CDS2: variants seen among roughly 807,000 people sequenced by gnomAD.
CDS2 encodes phosphatidate cytidylyltransferase 2.
CDS2 carries 47 observed loss-of-function variants against 59.0 expected under a neutral mutation model. The observed-to-expected ratio is 0.80, with a 90% CI of 0.63 to 1.02. The LOEUF (loss-of-function observed/expected upper bound fraction) is 1.02. Among genes scored for constraint, CDS2 ranks in the 50% least tolerant of loss-of-function variants. CDS2 has a pLI of 0.00. For synonymous variants in CDS2, 207 were observed against 206.4 expected, an observed-to-expected ratio of 1.00 and a Z score of -0.02; for missense variants, 356 against 558.9, an observed-to-expected ratio of 0.64 and a Z score of 3.66.
chr20:5,134,037 T>A (rs181861051), intron 1 of CDS2, among the ~76,000 whole-genome samples: 168 of 152,354 alleles, frequency 1.1e-3, no homozygotes, highest in Non-Finnish European at 1.9e-3. Flanking sequence ...ATGTGGAGAC[T>A]CTTTGCAGAA....
intron 1 of CDS2, among the ~76,000 whole-genome samples, chr20:5,136,231 C>A (rs2090648869): frequency 6.6e-6 from 1 of 152,150 alleles, no homozygotes. Context: ...GCCCTTCAGT[C>A]CACACAAACT....
chr20:5,141,747 C>T (rs934414103), intron 1 of CDS2, among the ~76,000 whole-genome samples: 2 of 152,130 alleles, frequency 1.3e-5, no homozygotes, highest in Non-Finnish European at 2.9e-5. Flanking sequence ...CCTGTGGTTT[C>T]TGAAGCTATC....
chr20:5,177,854 G>T (rs925907282), intron 4 of CDS2, among the ~76,000 whole-genome samples: 4 of 152,208 alleles, frequency 2.6e-5, no homozygotes, highest in African/African-American at 9.6e-5. Flanking sequence ...TTTTGTGGCT[G>T]TTCTTTAGCT....
At chr20:5,131,092 T>TA (rs1049352468) in intron 1 of CDS2, among the ~76,000 whole-genome samples, 4,498 of 104,958 alleles carry the variant, frequency 0.043, 82 homozygotes, top group Middle Eastern at 0.11. Context: ...GACTCTGTCT[T>TA]AAAAAAAAAA....
chr20:5,127,542 G>A (rs1299984168), intron 1 of CDS2, among the ~76,000 whole-genome samples: 2 of 152,156 alleles, frequency 1.3e-5, no homozygotes, highest in African/African-American at 4.8e-5. Flanking sequence ...TAGGCTCTCC[G>A]TTCCCTTTTA....
chr20:5,175,948 GCT>G (rs1437976558), intron 3 of CDS2, among the ~76,000 whole-genome samples: 1 of 152,200 alleles, frequency 6.6e-6, no homozygotes, highest in Non-Finnish European at 1.5e-5. Context: ...CCACAGAGCT[GCT>G]CTGTCTGTCT....
At chr20:5,154,441 G>A (rs2090816993) in intron 1 of CDS2, among the ~76,000 whole-genome samples, 3 of 152,198 alleles carry the variant, frequency 2.0e-5, no homozygotes, top group Non-Finnish European at 2.9e-5. Context: ...TGGGGATATA[G>A]CAGTGAATAA....
In CDS2 at chr20:5,175,378, G is replaced by C. The variant is rs998957130; in HGVS notation, c.291+99G>C. ...TGTTGGGTTGGTTGTGGGAATTGAC[G>C]GGGGTCCAGGCTTCTCAGAAAACCT... On this transcript the variant is annotated intron_variant, in intron 3 of 12. Transcript: ENST00000460006. 6.8e-5 allele frequency: 62 copies of C among 912,776 alleles called. No homozygotes were observed. The Admixed American group carries it at 1.1e-3, about 16-fold the overall frequency. 56.5% of individuals were successfully genotyped at this position (912,776 alleles called of 1,614,324 possible). A position where few individuals can be genotyped will look rare whatever the true frequency, so the allele number is the denominator to read the frequency against.
intron 1 of CDS2, among the ~76,000 whole-genome samples, chr20:5,158,164 C>CTTT (rs397865587): frequency 1.0e-4 from 11 of 107,842 alleles, no homozygotes; most frequent in Admixed American, 1.9e-4. Context: ...TGCTTTAGGT[C>CTTT]TTTTTTTTTT....
chr20:5,176,823 T>A (rs1020144654), intron 4 of CDS2, 78 bp downstream of exon 4: 1 of 966,372 alleles, frequency 1.0e-6, no homozygotes, highest in African/African-American at 1.6e-5. Flanking sequence ...TGACGGTGGG[T>A]ATTTCTATCA....
At chr20:5,151,302 C>T (rs955620687) in intron 1 of CDS2, among the ~76,000 whole-genome samples, 1 of 152,098 alleles carries the variant, frequency 6.6e-6, no homozygotes, top group Non-Finnish European at 1.5e-5. Flanking sequence ...AGTTTGGACA[C>T]ATTAGAGAAT....
intron 5 of CDS2, 67 bp downstream of exon 5, chr20:5,179,023 TG>T: frequency 6.6e-7 from 1 of 1,510,268 alleles, no homozygotes. Context: ...AGGTAGGAAT[TG>T]GGGAATTTCT....
intron 10 of CDS2, among the ~76,000 whole-genome samples, chr20:5,188,632 C>T (rs1014280045): frequency 2.6e-5 from 4 of 151,624 alleles, no homozygotes; most frequent in African/African-American, 9.7e-5. Flanking sequence ...TGATAGAACA[C>T]TTGGGGCTGG....
At chr20:5,153,039 G>T (rs2090805092) in intron 1 of CDS2, among the ~76,000 whole-genome samples, 1 of 152,152 alleles carries the variant, frequency 6.6e-6, no homozygotes, top group Non-Finnish European at 1.5e-5. Context: ...GCCGGCTTTT[G>T]TGTAGTTTAG....
chr20:5,173,727 C>G (rs978590707), intron 2 of CDS2, 68 bp downstream of exon 2: 14 of 1,584,860 alleles, frequency 8.8e-6, no homozygotes, highest in Admixed American at 5.1e-5. Flanking sequence ...CCTGGAAGAG[C>G]CTGCAGAGAG....
intron 1 of CDS2, among the ~76,000 whole-genome samples, chr20:5,134,966 TA>T (rs1185493273): frequency 6.6e-6 from 1 of 152,244 alleles, no homozygotes; most frequent in African/African-American, 2.4e-5. Flanking sequence ...CCTACTAATG[TA>T]AAGCATTTCT....
In CDS2 at chr20:5,193,639, A is replaced by C. The variant is rs1268612475; in HGVS notation, c.*3405A>C. On this transcript the variant is annotated 3_prime_UTR_variant, in exon 13 of 13. Transcript: ENST00000460006. ...GCCCTTGTCACCTGTTTGTATGGGG[A>C]CCATGTTTCCCAAAGCTCAGGTTCA... 1.3e-5 allele frequency: 2 copies of C among 152,156 alleles called. No individual in the cohort carries two copies. The highest frequency in any genetic ancestry group is 4.8e-5 in the African/African-American group (2 of 41,426). The allele number at this position is 152,156 out of a possible 1,614,324, so 9.4% of individuals were successfully genotyped here.
chr20:5,170,024 C>T (rs1600500353), intron 1 of CDS2, among the ~76,000 whole-genome samples: 1 of 152,132 alleles, frequency 6.6e-6, no homozygotes, highest in Admixed American at 6.5e-5. Flanking sequence ...GCGGCAGGCA[C>T]CTGCTGCTAT....
At chr20:5,143,939 A>AT (rs2090718065) in intron 1 of CDS2, among the ~76,000 whole-genome samples, 1 of 151,032 alleles carries the variant, frequency 6.6e-6, no homozygotes, top group South Asian at 2.1e-4. Flanking sequence ...TAATTTTTGT[A>AT]TTTTTTGTAG....
Sources: gnomAD v4.1 joint callset for allele counts (sites outside exome capture counted in the v4.1 genomes callset) on GRCh38, gnomAD v4.1.1 for gene constraint, MANE v1.5 for transcripts, NCBI Gene and HGNC (gene_info 2026-07-23, HGNC 2026-07-21) for gene names.